Variants in ZNF407 observed in about 807,000 individuals in gnomAD.
The protein encoded by ZNF407 is zinc finger protein 407.
A neutral mutation model predicts 131.2 loss-of-function variants in ZNF407; 17 were observed. That is an observed-to-expected ratio of 0.13 (90% CI 0.09 to 0.19). ZNF407 has a LOEUF of 0.19. ZNF407 is among the 10% of genes least tolerant of loss of function. The probability of loss-of-function intolerance (pLI) is 1.00; values close to 1 mark genes in which losing one functional copy is unlikely to be tolerated. For synonymous variants in ZNF407, 1,156 were observed against 1,062.0 expected, an observed-to-expected ratio of 1.09 and a Z score of -1.72; for missense variants, 2,681 against 2,830.6, an observed-to-expected ratio of 0.95 and a Z score of 1.20.
intron 1 of ZNF407, among the ~76,000 whole-genome samples, chr18:74,598,997 C>T (rs1044567488): frequency 1.3e-5 from 2 of 152,174 alleles, no homozygotes; most frequent in East Asian, 3.8e-4. Context: ...GCAGTCTATG[C>T]CTGGTGACAT....
chr18:74,632,253 TCGAGGC>T lies in ZNF407; in HGVS notation c.1236_1241del (p.Arg415_Pro416del). On this transcript the variant is annotated inframe_deletion, in exon 2 of 9. Transcript: ENST00000299687. ...GGCAGCACACGGTAACAGTGTAACC[TCGAGGC>T]CAAGACCTGAGCGAAATATTCTCGT... 1 of 1,613,918 alleles carries T rather than the reference TCGAGGC, an allele frequency of 6.2e-7. No individual in the cohort carries two copies.
intron 4 of ZNF407, among the ~76,000 whole-genome samples, chr18:74,829,795 CT>C (rs1311414352): frequency 2.0e-5 from 3 of 150,480 alleles, no homozygotes; most frequent in Admixed American, 2.0e-4. Context: ...TAATTCTGGT[CT>C]TTCACCTAAG....
chr18:74,868,343 A>G (rs1182780273), intron 4 of ZNF407, among the ~76,000 whole-genome samples: 1 of 152,210 alleles, frequency 6.6e-6, no homozygotes, highest in Non-Finnish European at 1.5e-5. Flanking sequence ...GGTTGTATGC[A>G]TATGTACTGT....
intron 4 of ZNF407, among the ~76,000 whole-genome samples, chr18:74,788,657 A>G (rs200408503): frequency 1.3e-5 from 2 of 150,664 alleles, no homozygotes; most frequent in East Asian, 3.9e-4. Flanking sequence ...ACTTTAGTAG[A>G]AATTATCATG....
At chr18:74,819,733 G>A (rs938187745) in intron 4 of ZNF407, among the ~76,000 whole-genome samples, 1 of 152,184 alleles carries the variant, frequency 6.6e-6, no homozygotes, top group African/African-American at 2.4e-5. Flanking sequence ...TGGTCTTGGG[G>A]ATCCCCAAAG....
intron 1 of ZNF407, among the ~76,000 whole-genome samples, chr18:74,617,110 C>A (rs1983342351): frequency 2.1e-5 from 3 of 141,642 alleles, no homozygotes; most frequent in Admixed American, 6.9e-5. Flanking sequence ...CATCCATATC[C>A]ACACACCACA....
chr18:74,867,300 C>T (rs1356463649), intron 4 of ZNF407, among the ~76,000 whole-genome samples: 1 of 152,210 alleles, frequency 6.6e-6, no homozygotes, highest in Non-Finnish European at 1.5e-5. Flanking sequence ...TAGACCTTTT[C>T]TGGAGAGTTT....
At chr18:74,709,361 A>G (rs1211454532) in intron 3 of ZNF407, among the ~76,000 whole-genome samples, 3 of 152,184 alleles carry the variant, frequency 2.0e-5, no homozygotes, top group African/African-American at 7.2e-5. Context: ...AAAATCCATA[A>G]TGTATCTTCT....
chr18:74,738,039 ATG>A (rs953753100), intron 3 of ZNF407, among the ~76,000 whole-genome samples: 2 of 152,122 alleles, frequency 1.3e-5, no homozygotes, highest in African/African-American at 4.8e-5. Context: ...AAAAAGAAAA[ATG>A]TAAGGAAGGA....
At chr18:75,055,332 A>G (rs772932230) in intron 8 of ZNF407, among the ~76,000 whole-genome samples, 1 of 152,252 alleles carries the variant, frequency 6.6e-6, no homozygotes, top group Admixed American at 6.5e-5. Flanking sequence ...CCAAAGGTAC[A>G]TGGTTGTGCA....
intron 8 of ZNF407, among the ~76,000 whole-genome samples, chr18:75,028,400 C>G (rs1973196774): frequency 6.6e-6 from 1 of 151,924 alleles, no homozygotes; most frequent in Non-Finnish European, 1.5e-5. Context: ...TGTAAGGACC[C>G]TGGTCACATT....
intron 8 of ZNF407, among the ~76,000 whole-genome samples, chr18:75,032,691 T>C (rs896373047): frequency 1.3e-5 from 2 of 150,416 alleles, no homozygotes; most frequent in Non-Finnish European, 2.9e-5. Context: ...CTGCTCAGAA[T>C]GGGGGGAAGA....
chr18:75,052,011 G>T (rs184161500), intron 8 of ZNF407, among the ~76,000 whole-genome samples: 1 of 152,118 alleles, frequency 6.6e-6, no homozygotes, highest in Non-Finnish European at 1.5e-5. Context: ...CCATAGATTC[G>T]CACTCAGGAG....
intron 8 of ZNF407, among the ~76,000 whole-genome samples, chr18:74,991,235 A>G (rs1049437704): frequency 3.3e-5 from 5 of 152,230 alleles, no homozygotes; most frequent in African/African-American, 1.2e-4. Context: ...TGAGGGTAGT[A>G]GAAGGGACTC....
intron 3 of ZNF407, among the ~76,000 whole-genome samples, chr18:74,693,918 TTTG>T (rs764307131): frequency 4.6e-5 from 7 of 152,190 alleles, no homozygotes; most frequent in Non-Finnish European, 8.8e-5. Context: ...CTGTGCTCAT[TTTG>T]TTATCTTTCA....
At chr18:74,801,162 T>A (rs1314234017) in intron 4 of ZNF407, among the ~76,000 whole-genome samples, 1 of 152,188 alleles carries the variant, frequency 6.6e-6, no homozygotes, top group Non-Finnish European at 1.5e-5. Context: ...ATTTTTGTCT[T>A]GATCATCAAT....
chr18:74,922,749 G>A (rs143548459), intron 8 of ZNF407, among the ~76,000 whole-genome samples: 52 of 152,264 alleles, frequency 3.4e-4, no homozygotes, highest in African/African-American at 7.9e-4. Flanking sequence ...GTAAAGACAG[G>A]CGTCTCGGAG....
intron 3 of ZNF407, among the ~76,000 whole-genome samples, chr18:74,695,140 T>C (rs538986718): frequency 2.0e-4 from 31 of 152,354 alleles, no homozygotes; most frequent in African/African-American, 7.2e-4. Context: ...TGAGCTATTG[T>C]TGATTCTTCT....
intron 3 of ZNF407, among the ~76,000 whole-genome samples, chr18:74,755,525 A>T (rs1968909679): frequency 9.0e-6 from 1 of 111,634 alleles, no homozygotes; most frequent in African/African-American, 3.4e-5. Context: ...TCATTGATGT[A>T]TCTTTCCCTC....
Sources: allele counts gnomAD v4.1 joint callset (sites outside exome capture counted in the v4.1 genomes callset), GRCh38; gene constraint gnomAD v4.1.1; transcripts MANE v1.5; gene names NCBI Gene and HGNC (gene_info 2026-07-23, HGNC 2026-07-21).